TPTE: variants seen among roughly 807,000 people sequenced by gnomAD.
The protein encoded by TPTE is transmembrane phosphatase with tensin homology.
TPTE carries 59 observed loss-of-function variants against 84.1 expected under a neutral mutation model. The observed-to-expected ratio is 0.70, with a 90% confidence interval of 0.57 to 0.87. TPTE has a LOEUF of 0.87. TPTE is among the 40% of genes least tolerant of loss of function. The pLI, the probability that TPTE is intolerant of heterozygous loss-of-function variation, is 0.00. For missense variants in TPTE, 382 were observed against 659.6 expected (o/e 0.58, Z 4.61); for synonymous variants, 130 against 223.5 (o/e 0.58, Z 3.73).
At chr21:10,579,098 T>C (rs1394688765) in intron 17 of TPTE, among the ~76,000 whole-genome samples, 1 of 152,426 alleles carries the variant, frequency 6.6e-6, no homozygotes, top group East Asian at 1.9e-4. Flanking sequence ...CATATTTTTG[T>C]GTGAGAACAT....
At chr21:10,576,871 A>ATG in intron 14 of TPTE, among the ~76,000 whole-genome samples, 1 of 144,342 alleles carries the variant, frequency 6.9e-6, no homozygotes, top group Non-Finnish European at 1.5e-5. Flanking sequence ...ATATATATAT[A>ATG]TATATAGACA....
chr21:10,541,805 G>C (rs1365603483), intron 5 of TPTE, among the ~76,000 whole-genome samples: 1 of 152,308 alleles, frequency 6.6e-6, no homozygotes, highest in Non-Finnish European at 1.5e-5. Flanking sequence ...TTTGGAGTGA[G>C]GAGGAGGTAG....
At chr21:10,574,768 C>G (rs1383778780) in intron 14 of TPTE, among the ~76,000 whole-genome samples, 1 of 152,304 alleles carries the variant, frequency 6.6e-6, no homozygotes, top group Admixed American at 6.5e-5. Context: ...CCGTGTTTCT[C>G]TCATGGATCT....
At chr21:10,527,890 G>A (rs1424895366) in intron 3 of TPTE, among the ~76,000 whole-genome samples, 2 of 152,308 alleles carry the variant, frequency 1.3e-5, no homozygotes, top group African/African-American at 2.4e-5. Flanking sequence ...AGAGCATGAA[G>A]GTGGTGGAGG....
At chr21:10,595,531 A>G (rs1190398929) in intron 19 of TPTE, among the ~76,000 whole-genome samples, 1 of 152,308 alleles carries the variant, frequency 6.6e-6, no homozygotes, top group African/African-American at 2.4e-5. Flanking sequence ...CAGGAACAAG[A>G]GAAGAGGGAT....
chr21:10,534,669 G>A (rs2074237523), intron 3 of TPTE, among the ~76,000 whole-genome samples: 5 of 152,304 alleles, frequency 3.3e-5, no homozygotes, highest in African/African-American at 1.2e-4. Flanking sequence ...TCAGTGAAAG[G>A]TGTTATGTGT....
intron 8 of TPTE, among the ~76,000 whole-genome samples, chr21:10,553,573 C>T (rs1183822953): frequency 1.3e-5 from 2 of 152,312 alleles, no homozygotes; most frequent in African/African-American, 2.4e-5. Context: ...CAAGCATTTC[C>T]TTCTTTCCCC....
chr21:10,555,851 C>A (rs1345669087), intron 8 of TPTE, among the ~76,000 whole-genome samples: 1 of 152,302 alleles, frequency 6.6e-6, no homozygotes, highest in African/African-American at 2.4e-5. Context: ...TTTTTTCCAT[C>A]AATATCGAGA....
intron 4 of TPTE, among the ~76,000 whole-genome samples, chr21:10,539,318 G>A (rs1242103207): frequency 6.6e-6 from 1 of 152,308 alleles, no homozygotes; most frequent in Non-Finnish European, 1.5e-5. Flanking sequence ...TATGAGGTTG[G>A]TGCTAAAACA....
intron 17 of TPTE, among the ~76,000 whole-genome samples, chr21:10,588,838 G>GT (rs1386825299): frequency 1.8e-4 from 28 of 152,356 alleles, no homozygotes; most frequent in South Asian, 4.1e-4. Flanking sequence ...TCCTTAGTGA[G>GT]TTTTTTTTAT....
At chr21:10,548,210 C>T (rs1206007604) in intron 7 of TPTE, among the ~76,000 whole-genome samples, 1 of 152,306 alleles carries the variant, frequency 6.6e-6, no homozygotes, top group Admixed American at 6.5e-5. Context: ...GGAGCTTACT[C>T]AGGCCAACTA....
chr21:10,553,837 A>G (rs564465076), intron 8 of TPTE, among the ~76,000 whole-genome samples: 3 of 152,430 alleles, frequency 2.0e-5, no homozygotes, highest in African/African-American at 2.4e-5. Context: ...AACTGGCTAT[A>G]ATGCAATCCA....
At chr21:10,583,970 T>C (rs1351195227) in intron 17 of TPTE, among the ~76,000 whole-genome samples, 1 of 152,312 alleles carries the variant, frequency 6.6e-6, no homozygotes, top group Non-Finnish European at 1.5e-5. Context: ...GTATTTTAGG[T>C]CATCTATATT....
chr21:10,551,714 CAAAAA>C (rs147086521), intron 7 of TPTE, among the ~76,000 whole-genome samples: 1 of 151,428 alleles, frequency 6.6e-6, no homozygotes, highest in Non-Finnish European at 1.5e-5. Flanking sequence ...AAATCAGAAA[CAAAAA>C]AAAAGAGACC....
intron 17 of TPTE, among the ~76,000 whole-genome samples, chr21:10,587,550 CTTTTT>C (rs61197958): frequency 1.4e-5 from 2 of 143,274 alleles, no homozygotes; most frequent in Admixed American, 1.4e-4. Flanking sequence ...GAAATGATTT[CTTTTT>C]TTTTTTTTTT....
chr21:10,564,530 C>G (rs1416194424), intron 10 of TPTE, among the ~76,000 whole-genome samples: 1 of 152,238 alleles, frequency 6.6e-6, no homozygotes, highest in Non-Finnish European at 1.5e-5. Flanking sequence ...AAAATAAAAA[C>G]AAACCCAAAA....
At chr21:10,590,602 G>A (rs1372830372) in intron 18 of TPTE, 79 bp downstream of exon 18, 9 of 1,599,432 alleles carry the variant, frequency 5.6e-6, no homozygotes, top group South Asian at 3.4e-5. Context: ...AGGACATTAA[G>A]ATGATTATTT....
chr21:10,533,487 C>T (rs1002077400), intron 3 of TPTE, among the ~76,000 whole-genome samples: 7 of 152,300 alleles, frequency 4.6e-5, no homozygotes, highest in Non-Finnish European at 1.0e-4. Context: ...GATATCTAAT[C>T]ATGTTGGTTT....
chr21:10,594,902 T>G (rs957471704), intron 19 of TPTE, among the ~76,000 whole-genome samples: 1 of 152,312 alleles, frequency 6.6e-6, no homozygotes, highest in African/African-American at 2.4e-5. Flanking sequence ...ACTGAGTGCA[T>G]CTACTCCTAA....
Sources: allele counts gnomAD v4.1 joint callset (sites outside exome capture counted in the v4.1 genomes callset), GRCh38; gene constraint gnomAD v4.1.1; transcripts MANE v1.5; gene names NCBI Gene and HGNC (gene_info 2026-07-23, HGNC 2026-07-21).